TRPV4: variants seen among roughly 807,000 people sequenced by gnomAD.
The protein encoded by TRPV4 is transient receptor potential cation channel subfamily V member 4.
In TRPV4, 58 loss-of-function variants were observed where a neutral mutation model predicts 84.1. That is an observed-to-expected ratio of 0.69 (90% CI 0.56 to 0.86). The LOEUF (loss-of-function observed/expected upper bound fraction) is 0.86. Among genes scored for constraint, TRPV4 ranks in the 40% least tolerant of loss-of-function variants. The probability of loss-of-function intolerance (pLI) is 0.00; values close to 1 mark genes in which losing one functional copy is unlikely to be tolerated. For synonymous variants in TRPV4, 489 were observed against 500.9 expected, an observed-to-expected ratio of 0.98 and a Z score of 0.32; for missense variants, 879 against 1,181.1, an observed-to-expected ratio of 0.74 and a Z score of 3.75.
rs985806139 is a variant in TRPV4, at chr12:109,791,624, A to G, written c.1891+739T>C. Among the ~76,000 whole-genome samples, 14 of 150,272 alleles carry G rather than the reference A, an allele frequency of 9.3e-5. No homozygotes were observed. The Admixed American group carries it at 9.3e-4, about 10-fold the overall frequency. On this transcript the variant is annotated intron_variant, in intron 12 of 15. Coordinates refer to ENST00000261740, the MANE Select transcript of TRPV4 (RefSeq NM_021625.5). ...CAGCCTCCCGAGTAGCTGGGTCTAT[A>G]GTTGCGCGCCACCATGCCTGTCTAA...
chr12:109,816,210 C>T (rs1226939344), intron 1 of TRPV4, among the ~76,000 whole-genome samples: 4 of 152,182 alleles, frequency 2.6e-5, no homozygotes, highest in Admixed American at 1.3e-4. Flanking sequence ...CCTTAGTGGG[C>T]GCAGCAGGAC....
Position 109,808,461 on chromosome 12 carries a change from G to C in TRPV4, c.394C>G (p.Pro132Ala), listed in dbSNP as rs746966771. ...RWRKKIIEKQ[P>A]QSPKAPAPQP... Reference sequence around the variant, plus strand: ...GGGGCAGGGGCTTTGGGGCTCTGCGGCTGCTTCCTGGAGGAGGTAGGGAGG... The same window carrying C: ...GGGGCAGGGGCTTTGGGGCTCTGCGCCTGCTTCCTGGAGGAGGTAGGGAGG... Residue 132 changes from proline (P) to alanine (A), a missense_variant, in exon 3 of 16, where the codon CCG (proline) becomes GCG (alanine). Pro to Ala is a conservative substitution (Grantham distance 27). Coordinates refer to ENST00000261740, the MANE Select transcript of TRPV4 (RefSeq NM_021625.5). 4 of 1,612,160 alleles carry C rather than the reference G, an allele frequency of 2.5e-6. No homozygotes were observed. Among genetic ancestry groups the C allele is most frequent in the Non-Finnish European group, 3.4e-6 (4 of 1,178,666 alleles).
At chr12:109,797,199 T>G (rs1426700627) in intron 6 of TRPV4, among the ~76,000 whole-genome samples, 1 of 152,160 alleles carries the variant, frequency 6.6e-6, no homozygotes, top group Non-Finnish European at 1.5e-5. Flanking sequence ...TCACCCAGGC[T>G]GGAGTGCAGT....
In TRPV4 at chr12:109,798,506, G is replaced by T; in HGVS notation, c.1152+108C>A. 1 of 1,384,614 alleles carries T rather than the reference G, an allele frequency of 7.2e-7. No homozygotes were observed. Among genetic ancestry groups the T allele is most frequent in the Non-Finnish European group, 9.9e-7 (1 of 1,005,208 alleles). The allele number at this position is 1,384,614 out of a possible 1,614,324, so 85.8% of individuals were successfully genotyped here. ...ATCTGCACACTGGGGTTGGCATGTT[G>T]GGAGGTGCATGCACGTATTAATAAT... On this transcript the variant is annotated intron_variant, in intron 6 of 15. Coordinates refer to ENST00000261740, the MANE Select transcript of TRPV4 (RefSeq NM_021625.5). The surrounding 1 kb of genome is among the most constrained non-coding windows in gnomAD (Gnocchi z 5.0).
At chr12:109,795,618 G>C (rs1399071285) in intron 7 of TRPV4, among the ~76,000 whole-genome samples, 1 of 152,136 alleles carries the variant, frequency 6.6e-6, no homozygotes, top group Non-Finnish European at 1.5e-5. Context: ...CCAGCAATAA[G>C]AGAACAGTTC....
intron 10 of TRPV4, 72 bp from the exon 11 acceptor site, chr12:109,792,889 C>G: frequency 6.6e-7 from 1 of 1,521,950 alleles, no homozygotes; most frequent in Non-Finnish European, 9.0e-7. Context: ...GGGGAAGACA[C>G]GCCTCCAAGC....
At chr12:109,804,187 G>A (rs771973240) in intron 3 of TRPV4, among the ~76,000 whole-genome samples, 9 of 152,156 alleles carry the variant, frequency 5.9e-5, no homozygotes, top group Non-Finnish European at 8.8e-5. Flanking sequence ...TCTCACTAAC[G>A]CTTGCTGATG....
intron 1 of TRPV4, among the ~76,000 whole-genome samples, chr12:109,822,780 C>G (rs1054287650): frequency 2.0e-5 from 3 of 152,178 alleles, no homozygotes; most frequent in Admixed American, 6.5e-5. Flanking sequence ...GGCAATGATC[C>G]TAGCACCTAC....
chr12:109,831,153 A>G (rs1892399086), intron 1 of TRPV4, among the ~76,000 whole-genome samples: 1 of 152,164 alleles, frequency 6.6e-6, no homozygotes, highest in South Asian at 2.1e-4. Context: ...ACTCCAGACA[A>G]ACAGAACTAT....
Position 109,794,457 on chromosome 12 carries a change from T to G in TRPV4, c.1363A>C (p.Ile455Leu). The G allele has an allele frequency of 6.2e-7, 1 of 1,613,972 alleles. No individual in the cohort carries two copies. The highest frequency in any genetic ancestry group is 8.5e-7 in the Non-Finnish European group (1 of 1,179,982). The change falls in exon 8 of 16, where the codon ATC (isoleucine) becomes CTC (leucine). Residue 455 changes from isoleucine (I) to leucine (L), a missense_variant. By Grantham distance (5) the Ile-to-Leu change is conservative. This residue lies in a region of TRPV4 where 521 missense variants were observed against 686.6 expected (regional missense o/e 0.76). Transcript: ENST00000261740. ...NRHEMLAVEPINELLRDKWRK... is the reference protein window; with the variant it reads ...NRHEMLAVEPLNELLRDKWRK... ...CACTTGTCCCGCAGCAGTTCATTGA[T>G]GGGCTCCACAGCCAGCATCTCGTGG...
In TRPV4 at chr12:109,793,258, C is replaced by T. The variant is rs549198408; in HGVS notation, c.1658+269G>A. Among the ~76,000 whole-genome samples the T allele has an allele frequency of 1.3e-5, 2 of 152,322 alleles. No individual in the cohort carries two copies. The highest frequency in any genetic ancestry group is 4.8e-5 in the African/African-American group (2 of 41,570). The stretch of plus-strand genomic sequence containing the variant: ...CAGGTGCAAAATTCTTAACATGGCA[C>T]TTCAGGCAGACATTAGCAATCATTC... On this transcript the variant is annotated intron_variant, in intron 10 of 15. Coordinates refer to ENST00000261740, the MANE Select transcript of TRPV4 (RefSeq NM_021625.5). This position sits in a 1 kb window ranked among gnomAD's most constrained non-coding sequence, Gnocchi z 4.0.
At chr12:109,811,153 A>G (rs550634380) in intron 2 of TRPV4, among the ~76,000 whole-genome samples, 4 of 152,096 alleles carry the variant, frequency 2.6e-5, no homozygotes, top group Non-Finnish European at 4.4e-5. Flanking sequence ...TCCTCCAAGA[A>G]GCCCTCCTGG....
In TRPV4 at chr12:109,796,811, G is replaced by T; in HGVS notation, c.1153-107C>A. The T allele has an allele frequency of 8.8e-7, 1 of 1,136,044 alleles. No homozygotes were observed. Among genetic ancestry groups the T allele is most frequent in the Non-Finnish European group, 1.2e-6 (1 of 814,054 alleles). 70.4% of individuals were successfully genotyped at this position (1,136,044 alleles called of 1,614,324 possible). On this transcript the variant is annotated intron_variant, in intron 6 of 15. Coordinates refer to ENST00000261740, the MANE Select transcript of TRPV4 (RefSeq NM_021625.5). This position sits in a 1 kb window ranked among gnomAD's most constrained non-coding sequence, Gnocchi z 4.2. Reference sequence around the variant, plus strand: ...CCCAGAAAACAGCTAAGCACCGGCTGCTGGAGGACCCTTTCCTCATCTTGT... The same window carrying T: ...CCCAGAAAACAGCTAAGCACCGGCTTCTGGAGGACCCTTTCCTCATCTTGT...
intron 2 of TRPV4, among the ~76,000 whole-genome samples, chr12:109,809,858 A>G (rs1891413301): frequency 1.3e-5 from 2 of 152,260 alleles, no homozygotes; most frequent in Admixed American, 1.3e-4. Flanking sequence ...TATTCATTCA[A>G]CAAACATTTG....
chr12:109,784,200 C>T, intron 15 of TRPV4, 116 bp downstream of exon 15: 1 of 1,520,502 alleles, frequency 6.6e-7, no homozygotes, highest in Non-Finnish European at 9.0e-7. Context: ...CTCAGGGGCA[C>T]ACTCTCTCAT....
chr12:109,810,172 TGAGA>T (rs1371363065), intron 2 of TRPV4, among the ~76,000 whole-genome samples: 1 of 152,220 alleles, frequency 6.6e-6, no homozygotes, highest in African/African-American at 2.4e-5. Context: ...TGCTAGGTTC[TGAGA>T]GAGAAAGAGC....
Position 109,783,591 on chromosome 12 carries a change from G to A in TRPV4, c.*30C>T. 1.9e-6 allele frequency: 3 copies of A among 1,606,046 alleles called. No individual in the cohort carries two copies. Among genetic ancestry groups the A allele is most frequent in the Middle Eastern group, 1.7e-4 (1 of 6,022 alleles). The stretch of plus-strand genomic sequence containing the variant: ...AATGCGGCTGGACTAGAAATGAGTG[G>A]GCAGAGAAGCTGGGGCTGGGCTGCA... On this transcript the variant is annotated 3_prime_UTR_variant, in exon 16 of 16. Coordinates refer to ENST00000261740, the MANE Select transcript of TRPV4 (RefSeq NM_021625.5). This position sits in a 1 kb window ranked among gnomAD's most constrained non-coding sequence, Gnocchi z 4.6.
At position 109,791,909 on chromosome 12, in the gene TRPV4, GTACT is replaced by G. The variant is rs1432531478; in HGVS notation, c.1891+450_1891+453del. Among the ~76,000 whole-genome samples the G allele has an allele frequency of 3.9e-5, 6 of 152,002 alleles. No homozygotes were observed. The East Asian group carries it at 1.2e-3, about 29-fold the overall frequency. On this transcript the variant is annotated intron_variant, in intron 12 of 15. Coordinates refer to ENST00000261740, the MANE Select transcript of TRPV4 (RefSeq NM_021625.5). ...CTTGTTGGGAGGCAAGGATGGAAACGTACTTAGTCTGGTGCCTGGCACACAAATA... is the reference window on the plus strand; with the variant it reads ...CTTGTTGGGAGGCAAGGATGGAAACGTAGTCTGGTGCCTGGCACACAAATA...
rs1312306880 is a variant in TRPV4, at chr12:109,783,594, A to T, written c.*27T>A. 1 of 1,606,740 alleles carries T rather than the reference A, an allele frequency of 6.2e-7. No homozygotes were observed. On this transcript the variant is annotated 3_prime_UTR_variant, in exon 16 of 16. Coordinates refer to ENST00000261740, the MANE Select transcript of TRPV4 (RefSeq NM_021625.5). The surrounding 1 kb of genome is among the most constrained non-coding windows in gnomAD (Gnocchi z 4.6). Reference sequence around the variant, plus strand: ...GCGGCTGGACTAGAAATGAGTGGGCAGAGAAGCTGGGGCTGGGCTGCAGTC... The same window carrying T: ...GCGGCTGGACTAGAAATGAGTGGGCTGAGAAGCTGGGGCTGGGCTGCAGTC...
Sources: allele counts gnomAD v4.1 joint callset (sites outside exome capture counted in the v4.1 genomes callset), GRCh38; gene constraint gnomAD v4.1.1; regional missense constraint gnomAD v4.1.1; non-coding constraint Gnocchi (gnomAD v3.1); transcripts MANE v1.5; gene names NCBI Gene and HGNC (gene_info 2026-07-23, HGNC 2026-07-21).